Variants in SCN3A observed in about 807,000 individuals in gnomAD.
SCN3A encodes sodium channel protein type 3 subunit alpha.
Under a neutral mutation model 187.6 loss-of-function variants are expected in SCN3A, and 60 were observed. The ratio of observed to expected loss-of-function variants is 0.32; its 90% CI spans 0.26 to 0.40. The LOEUF is 0.40. Among genes scored for constraint, SCN3A ranks in the 10% least tolerant of loss-of-function variants. The pLI is 1.00. For synonymous variants in SCN3A, 788 were observed against 829.2 expected, an observed-to-expected ratio of 0.95 and a Z score of 0.85; for missense variants, 1,601 against 2,428.2, an observed-to-expected ratio of 0.66 and a Z score of 7.16.
At position 165,097,141 on chromosome 2, in the gene SCN3A, A is replaced by G. The variant is rs898613180; in HGVS notation, c.4239+111T>C. The G allele has an allele frequency of 1.2e-5, 14 of 1,186,046 alleles. No homozygotes were observed. In the East Asian group the frequency reaches 2.1e-4, roughly 18 times the overall value. 73.5% of individuals were successfully genotyped at this position (1,186,046 alleles called of 1,614,324 possible). A position where few individuals can be genotyped will look rare whatever the true frequency, so the allele number is the denominator to read the frequency against. On this transcript the variant is annotated intron_variant, in intron 23 of 27. Coordinates refer to ENST00000283254, the MANE Select transcript of SCN3A (RefSeq NM_006922.4). ...GCTGATATTATAGGTGTTATCATTA[A>G]CTTTTTTTCATGCTGTCAAATGTTA...
chr2:165,157,734 C>T (rs931364734), intron 9 of SCN3A, among the ~76,000 whole-genome samples: 10 of 152,258 alleles, frequency 6.6e-5, no homozygotes, highest in African/African-American at 2.4e-4. Context: ...TTTGTCCATT[C>T]ATATTTTATT....
intron 1 of SCN3A, among the ~76,000 whole-genome samples, chr2:165,192,589 A>G (rs2105973138): frequency 6.6e-6 from 1 of 152,202 alleles, no homozygotes; most frequent in East Asian, 1.9e-4. Context: ...TGATCTTACC[A>G]ATGAACCTCT....
chr2:165,163,811 C>T lies in SCN3A; in HGVS notation c.603-102G>A, dbSNP rs376711149. The T allele has an allele frequency of 5.0e-6, 8 of 1,613,694 alleles. No homozygotes were observed. The highest frequency in any genetic ancestry group is 1.3e-5 in the African/African-American group (1 of 74,902). ...ACCAGTTTCTTCTTACCTGGAATTACAGAAATAGTTTTCAGAGCTCTCAAG... is the reference window on the plus strand; with the variant it reads ...ACCAGTTTCTTCTTACCTGGAATTATAGAAATAGTTTTCAGAGCTCTCAAG... On this transcript the variant is annotated intron_variant, in intron 6 of 27. Coordinates refer to ENST00000283254, the MANE Select transcript of SCN3A (RefSeq NM_006922.4).
intron 17 of SCN3A, 25 bp from the exon 18 acceptor site, chr2:165,128,126 T>C: frequency 1.3e-6 from 2 of 1,533,016 alleles, no homozygotes; most frequent in Middle Eastern, 1.8e-4. Context: ...GAAAAATGTC[T>C]ATTTTAATAT....
At chr2:165,193,866 G>T (rs1264242545) in intron 1 of SCN3A, among the ~76,000 whole-genome samples, 1 of 152,070 alleles carries the variant, frequency 6.6e-6, no homozygotes, top group Non-Finnish European at 1.5e-5. Flanking sequence ...TTTCAGATGG[G>T]TGCAAATGGT....
chr2:165,185,282 C>G (rs1314115035), intron 2 of SCN3A, among the ~76,000 whole-genome samples: 1 of 152,132 alleles, frequency 6.6e-6, no homozygotes, highest in Non-Finnish European at 1.5e-5. Flanking sequence ...TTTAATGTTT[C>G]TATTAAATGC....
chr2:165,184,502 A>C (rs866720901), intron 2 of SCN3A, among the ~76,000 whole-genome samples: 1 of 88,592 alleles, frequency 1.1e-5, no homozygotes, highest in Non-Finnish European at 2.0e-5. Flanking sequence ...AAAAAAAAGA[A>C]AAAAAAAAAA....
At chr2:165,121,663 A>C (rs1686685417) in intron 18 of SCN3A, among the ~76,000 whole-genome samples, 1 of 152,126 alleles carries the variant, frequency 6.6e-6, no homozygotes, top group Non-Finnish European at 1.5e-5. Context: ...GACAACCCCA[A>C]ACTAATTAGA....
intron 18 of SCN3A, among the ~76,000 whole-genome samples, chr2:165,118,350 A>T (rs572873928): frequency 6.6e-6 from 1 of 152,216 alleles, no homozygotes; most frequent in African/African-American, 2.4e-5. Flanking sequence ...TATTACAGAG[A>T]TTTTCTGATT....
chr2:165,126,995 A>T (rs1451411887), intron 18 of SCN3A, among the ~76,000 whole-genome samples: 1 of 152,228 alleles, frequency 6.6e-6, no homozygotes, highest in Non-Finnish European at 1.5e-5. Context: ...TGACGAAAAT[A>T]AGTTATTTTT....
chr2:165,122,242 T>TC (rs983948524), intron 18 of SCN3A, among the ~76,000 whole-genome samples: 8 of 148,380 alleles, frequency 5.4e-5, no homozygotes, highest in South Asian at 2.1e-4. Flanking sequence ...TTTTTTTCTT[T>TC]TTTTTTTTTT....
intron 15 of SCN3A, among the ~76,000 whole-genome samples, chr2:165,135,364 A>G (rs955479142): frequency 6.6e-6 from 1 of 152,130 alleles, no homozygotes. Context: ...CAGAAACAGA[A>G]TGCAAAATGG....
chr2:165,149,098 T>C (rs935937671), intron 11 of SCN3A, among the ~76,000 whole-genome samples: 1 of 152,210 alleles, frequency 6.6e-6, no homozygotes, highest in African/African-American at 2.4e-5. Flanking sequence ...TTGACTTGTT[T>C]GTCCCTGCAA....
intron 21 of SCN3A, 108 bp from the exon 22 acceptor site, chr2:165,100,532 C>T: frequency 5.2e-6 from 6 of 1,152,008 alleles, no homozygotes; most frequent in Non-Finnish European, 7.5e-6. Context: ...TTTGGACATA[C>T]CTTGGCAACT....
chr2:165,142,395 T>C (rs1574204581), intron 12 of SCN3A, among the ~76,000 whole-genome samples: 1 of 152,188 alleles, frequency 6.6e-6, no homozygotes, highest in East Asian at 1.9e-4. Context: ...ACCAGAATAA[T>C]CTTTGTTGTC....
intron 1 of SCN3A, among the ~76,000 whole-genome samples, chr2:165,200,652 C>A (rs558778933): frequency 1.3e-5 from 2 of 151,962 alleles, no homozygotes; most frequent in African/African-American, 4.8e-5. Flanking sequence ...AATCAAGAGT[C>A]CATTAAGTCA....
At chr2:165,200,693 C>T (rs1011357731) in intron 1 of SCN3A, among the ~76,000 whole-genome samples, 1 of 151,920 alleles carries the variant, frequency 6.6e-6, no homozygotes, top group Non-Finnish European at 1.5e-5. Flanking sequence ...AAGCTGACAG[C>T]GCAGTTACTT....
At chr2:165,133,179 T>C (rs1687453016) in intron 15 of SCN3A, among the ~76,000 whole-genome samples, 1 of 152,132 alleles carries the variant, frequency 6.6e-6, no homozygotes, top group Non-Finnish European at 1.5e-5. Flanking sequence ...TTTACACTGT[T>C]TGTGGGACTG....
At chr2:165,154,800 A>G (rs1255297604) in intron 10 of SCN3A, 142 bp from the exon 11 acceptor site, 13 of 771,648 alleles carry the variant, frequency 1.7e-5, no homozygotes, top group Non-Finnish European at 2.6e-5. Context: ...TTTGGTATTG[A>G]TATGCTCAAC....
Sources: gnomAD v4.1 joint callset for allele counts (sites outside exome capture counted in the v4.1 genomes callset) on GRCh38, gnomAD v4.1.1 for gene constraint, MANE v1.5 for transcripts, NCBI Gene and HGNC (gene_info 2026-07-23, HGNC 2026-07-21) for gene names.